The following SLC25A16 variants were observed in gnomAD, a reference collection of about 807,000 sequenced individuals.
SLC25A16 encodes the protein solute carrier family 25 member 16.
Under a neutral mutation model 41.5 loss-of-function variants are expected in SLC25A16, and 39 were observed. The observed-to-expected ratio is 0.94, with a 90% CI of 0.73 to 1.23. The LOEUF (loss-of-function observed/expected upper bound fraction) is 1.23. Ranked by LOEUF, SLC25A16 falls within the 50% of genes most tolerant of loss-of-function variation. SLC25A16 has a pLI of 0.00. For synonymous variants in SLC25A16, 146 were observed against 147.8 expected (o/e 0.99, Z 0.09); for missense variants, 421 against 426.9 (o/e 0.99, Z 0.12).
chr10:68,496,446 T>C, intron 4 of SLC25A16: 1 of 979,158 alleles, frequency 1.0e-6, no homozygotes, highest in South Asian at 4.7e-5. Flanking sequence ...TGAATAGTGG[T>C]GGTAACAGCT....
At position 68,481,264 on chromosome 10, in the gene SLC25A16, C is replaced by G. The variant is rs1168131940; in HGVS notation, c.*2168G>C. 1.3e-5 allele frequency: 2 copies of G among 152,078 alleles called. No individual in the cohort carries two copies. Among genetic ancestry groups the G allele is most frequent in the Admixed American group, 6.6e-5 (1 of 15,256 alleles). 9.4% of individuals were successfully genotyped at this position (152,078 alleles called of 1,614,324 possible). A position where few individuals can be genotyped will look rare whatever the true frequency, so the allele number is the denominator to read the frequency against. On this transcript the variant is annotated 3_prime_UTR_variant, in exon 9 of 9. Coordinates refer to ENST00000609923, the MANE Select transcript of SLC25A16 (RefSeq NM_152707.4). ...CCTCCCAAAATGCTGGGATTACAGG[C>G]GTGAGCCACCACATCTGGCCAAGAA...
intron 2 of SLC25A16, among the ~76,000 whole-genome samples, chr10:68,507,742 T>C (rs1305941668): frequency 1.3e-5 from 2 of 152,154 alleles, no homozygotes; most frequent in African/African-American, 4.8e-5. Flanking sequence ...TATTCAACAA[T>C]TTAAATTCAG....
At chr10:68,512,809 G>A (rs533822532) in intron 2 of SLC25A16, among the ~76,000 whole-genome samples, 5 of 151,762 alleles carry the variant, frequency 3.3e-5, no homozygotes, top group East Asian at 3.9e-4. Flanking sequence ...AGGCTGAGGC[G>A]GATGGATCAA....
chr10:68,522,025 T>A (rs2053258950), intron 1 of SLC25A16, among the ~76,000 whole-genome samples: 1 of 151,892 alleles, frequency 6.6e-6, no homozygotes, highest in African/African-American at 2.4e-5. Context: ...CTGGGCGTGA[T>A]GGCGCACACC....
intron 1 of SLC25A16, among the ~76,000 whole-genome samples, chr10:68,526,957 G>C (rs2488043): frequency 0.067 from 10,124 of 152,226 alleles, 438 homozygotes; most frequent in African/African-American, 0.12. Flanking sequence ...GTCTCTGTAA[G>C]GGATCCTCCT....
intron 3 of SLC25A16, among the ~76,000 whole-genome samples, chr10:68,504,631 CA>C (rs2052920456): frequency 6.6e-6 from 1 of 151,072 alleles, no homozygotes; most frequent in Admixed American, 6.6e-5. Context: ...CCCGCCTCGG[CA>C]TCCCAAAGTG....
At chr10:68,491,120 C>A (rs779752493) in intron 6 of SLC25A16, among the ~76,000 whole-genome samples, 1 of 152,072 alleles carries the variant, frequency 6.6e-6, no homozygotes, top group African/African-American at 2.4e-5. Flanking sequence ...CTCAAGTAAT[C>A]CTCCTGCCTC....
Position 68,513,483 on chromosome 10 carries a change from C to T in SLC25A16, c.223+3268G>A, listed in dbSNP as rs10998240. Among the ~76,000 whole-genome samples the T allele has an allele frequency of 1.1e-3, 168 of 150,948 alleles. 3 individuals carry two copies. In the East Asian group the frequency reaches 0.025, roughly 22 times the overall value. The stretch of plus-strand genomic sequence containing the variant: ...AGAAAATGAGTTATAATTAATATAC[C>T]GCATAAATATCCATTCAGGTTTGTA... On this transcript the variant is annotated intron_variant, in intron 2 of 8. Coordinates refer to ENST00000609923, the MANE Select transcript of SLC25A16 (RefSeq NM_152707.4).
Position 68,487,218 on chromosome 10 carries a change from A to G in SLC25A16, c.774-6T>C, listed in dbSNP as rs756490693. Reference sequence around the variant, plus strand: ...GAGTCACATCAAATGGGTAGCTAAAAGAAGAAAAAGGCATAAAGAATTAAA... The same window carrying G: ...GAGTCACATCAAATGGGTAGCTAAAGGAAGAAAAAGGCATAAAGAATTAAA... On this transcript the variant is annotated splice_region_variant and splice_polypyrimidine_tract_variant and intron_variant, in intron 7 of 8. Coordinates refer to ENST00000609923, the MANE Select transcript of SLC25A16 (RefSeq NM_152707.4). The G allele has an allele frequency of 1.9e-6, 3 of 1,612,692 alleles. No individual in the cohort carries two copies. Among genetic ancestry groups the G allele is most frequent in the Non-Finnish European group, 2.5e-6 (3 of 1,179,136 alleles).
Position 68,509,756 on chromosome 10 carries a change from T to TAG in SLC25A16, c.224-3039_224-3038insCT, listed in dbSNP as rs200336290. ...CTATATATATATCTATATATATAGA[T>TAG]ATATAGATATAGATAGATAGATATA... On this transcript the variant is annotated intron_variant, in intron 2 of 8. Transcript: ENST00000609923. Among the ~76,000 whole-genome samples the TAG allele has an allele frequency of 2.6e-3, 383 of 148,146 alleles. 3 individuals are homozygous for TAG. Among genetic ancestry groups the TAG allele is most frequent in the African/African-American group, 8.8e-3 (358 of 40,556 alleles).
At chr10:68,496,071 C>T (rs2052745587) in intron 4 of SLC25A16, among the ~76,000 whole-genome samples, 1 of 152,106 alleles carries the variant, frequency 6.6e-6, no homozygotes, top group Non-Finnish European at 1.5e-5. Context: ...AAACTATGTA[C>T]TTTGTTACCC....
chr10:68,509,514 A>AT (rs2053017262), intron 2 of SLC25A16, among the ~76,000 whole-genome samples: 2 of 151,978 alleles, frequency 1.3e-5, no homozygotes, highest in Admixed American at 6.6e-5. Flanking sequence ...CAGGAATTTG[A>AT]CACCAACCAA....
At chr10:68,509,713 AT>A (rs1415674387) in intron 2 of SLC25A16, among the ~76,000 whole-genome samples, 1 of 132,018 alleles carries the variant, frequency 7.6e-6, no homozygotes, top group Non-Finnish European at 1.6e-5. Flanking sequence ...AAAAAAAAAA[AT>A]CTATATATCT....
At position 68,483,541 on chromosome 10, in the gene SLC25A16, C is replaced by T. The variant is rs747504150; in HGVS notation, c.890G>A (p.Arg297Gln). 3.7e-6 allele frequency: 6 copies of T among 1,611,632 alleles called. No individual in the cohort carries two copies. In the South Asian group the frequency reaches 4.4e-5, roughly 12 times the overall value. Residue 297 changes from arginine (R) to glutamine (Q), a missense_variant, in exon 9 of 9, where the codon CGA (arginine) becomes CAA (glutamine). Transcript: ENST00000609923. ...AGATAAACCACGATAGAGTCCTTTT[C>T]GAATTCCATGGTGTCCATAGACATA... is the stretch of plus-strand genomic sequence containing the variant. ...MKYVYGHHGI[R>Q]KGLYRGLSLN...
At chr10:68,487,530 C>A (rs1281640278) in intron 7 of SLC25A16, among the ~76,000 whole-genome samples, 2 of 152,164 alleles carry the variant, frequency 1.3e-5, no homozygotes, top group African/African-American at 2.4e-5. Context: ...CACTAATATA[C>A]AGTTTCCAAC....
intron 4 of SLC25A16, among the ~76,000 whole-genome samples, chr10:68,497,619 TA>T (rs1554917171): frequency 1.3e-5 from 2 of 150,330 alleles, no homozygotes; most frequent in African/African-American, 4.9e-5. Context: ...TTTTTTTTTT[TA>T]ATTTTTTTTT....
chr10:68,496,661 CA>C, intron 4 of SLC25A16: 1 of 973,428 alleles, frequency 1.0e-6, no homozygotes. Flanking sequence ...TCTAAATTCT[CA>C]TCATCTTACT....
rs2052476628 is a variant in SLC25A16 at position 68,480,836 on chromosome 10, TAAC to T, written c.*2593_*2595del. On this transcript the variant is annotated 3_prime_UTR_variant, in exon 9 of 9. Coordinates refer to ENST00000609923, the MANE Select transcript of SLC25A16 (RefSeq NM_152707.4). ...ATACTTAAATTATCTTAACATTTAA[TAAC>T]AATAATTAGCTACAGTGTGGTCTAG... is the stretch of plus-strand genomic sequence containing the variant. The T allele has an allele frequency of 6.6e-6, 1 of 151,348 alleles. No homozygotes were observed. The highest frequency in any genetic ancestry group is 6.6e-5 in the Admixed American group (1 of 15,158). The allele number at this position is 151,348 out of a possible 1,614,324, so 9.4% of individuals were successfully genotyped here. A position where few individuals can be genotyped will look rare whatever the true frequency, so the allele number is the denominator to read the frequency against.
chr10:68,518,815 T>A (rs1213654875), intron 1 of SLC25A16, among the ~76,000 whole-genome samples: 3 of 148,754 alleles, frequency 2.0e-5, no homozygotes, highest in South Asian at 2.1e-4. Context: ...ATAAATTAAA[T>A]AAATAAATAA....
Sources: allele counts gnomAD v4.1 joint callset (sites outside exome capture counted in the v4.1 genomes callset), GRCh38; gene constraint gnomAD v4.1.1; transcripts MANE v1.5; gene names NCBI Gene and HGNC (gene_info 2026-07-23, HGNC 2026-07-21).